Variants in ZNF621 observed in about 807,000 individuals in gnomAD.
The protein encoded by ZNF621 is zinc finger protein 621.
Under a neutral mutation model 12.7 loss-of-function variants are expected in ZNF621, and 6 were observed. The ratio of observed to expected loss-of-function variants is 0.47; its 90% CI spans 0.26 to 0.93. ZNF621 has a LOEUF of 0.93. ZNF621 is among the 40% of genes least tolerant of loss of function. ZNF621 has a pLI of 0.15. For missense variants in ZNF621, 474 were observed against 524.0 expected (o/e 0.90, Z 0.93); for synonymous variants, 156 against 190.3 (o/e 0.82, Z 1.48).
At position 40,539,222 on chromosome 3, in the gene ZNF621, G is replaced by C. The variant is rs957923204; in HGVS notation, c.*6132G>C. The C allele has an allele frequency of 6.6e-6, 1 of 152,476 alleles. No homozygotes were observed. Among genetic ancestry groups the C allele is most frequent in the African/African-American group, 2.4e-5 (1 of 41,450 alleles). 9.4% of individuals were successfully genotyped at this position (152,476 alleles called of 1,614,324 possible). A position where few individuals can be genotyped will look rare whatever the true frequency, so the allele number is the denominator to read the frequency against. On this transcript the variant is annotated 3_prime_UTR_variant, in exon 5 of 5. Transcript: ENST00000339296. Reference sequence around the variant, plus strand: ...AAAAGGCTATCCAACAGCAACACATGCTACAGATAAATCTTTCGGAAAGGA... The same window carrying C: ...AAAAGGCTATCCAACAGCAACACATCCTACAGATAAATCTTTCGGAAAGGA...
At chr3:40,526,554 A>G (rs1271466845) in intron 2 of ZNF621, among the ~76,000 whole-genome samples, 1 of 152,204 alleles carries the variant, frequency 6.6e-6, no homozygotes, top group African/African-American at 2.4e-5. Context: ...TTGCTTTAAT[A>G]TACATTTTCT....
chr3:40,530,136 G>T (rs1698687350), intron 3 of ZNF621, 73 bp from the exon 4 acceptor site: 2 of 1,277,482 alleles, frequency 1.6e-6, no homozygotes, highest in South Asian at 1.3e-5. Context: ...CTGATGGAGG[G>T]TGGGCTGAGA....
intron 4 of ZNF621, 58 bp downstream of exon 4, chr3:40,530,374 A>G: frequency 1.4e-6 from 2 of 1,400,686 alleles, no homozygotes; most frequent in Non-Finnish European, 2.0e-6. Flanking sequence ...TTTACTAGGT[A>G]AGAAGTGTTT....
intron 1 of ZNF621, 112 bp downstream of exon 1, chr3:40,525,386 C>CA (rs1698552353): frequency 4.6e-6 from 1 of 215,388 alleles, no homozygotes; most frequent in Non-Finnish European, 9.2e-6. Flanking sequence ...GAGTATTTTA[C>CA]CCTTAATCCG....
In ZNF621 at chr3:40,533,062, T is replaced by A; in HGVS notation, c.1292T>A (p.Ile431Asn). Residue 431 changes from isoleucine (I) to asparagine (N), a missense_variant, in exon 5 of 5, where the codon ATT becomes AAT. Transcript: ENST00000339296. ...LTPTVKPSPV[I>N]LTPSSHSS ...CCCACTGTGAAACCTTCCCCAGTTA[T>A]TCTCACCCCTTCTTCTCACTCCTCA... 1 of 1,551,696 alleles carries A rather than the reference T, an allele frequency of 6.4e-7. No homozygotes were observed. Among genetic ancestry groups the A allele is most frequent in the Non-Finnish European group, 8.7e-7 (1 of 1,146,946 alleles).
chr3:40,526,924 C>T (rs535491499), intron 2 of ZNF621, among the ~76,000 whole-genome samples: 6 of 152,104 alleles, frequency 3.9e-5, no homozygotes, highest in Non-Finnish European at 7.4e-5. Context: ...GGCGCTATCT[C>T]GGCTCACCGC....
rs1698913423 is a variant in ZNF621, at chr3:40,538,108, T to G, written c.*5018T>G. On this transcript the variant is annotated 3_prime_UTR_variant, in exon 5 of 5. Coordinates refer to ENST00000339296, the MANE Select transcript of ZNF621 (RefSeq NM_198484.5). ...CCCATAAGAATTATGCTAAATCCAC[T>G]CTGCCTGTGCTCTAGAAATGGAAGA... 6.6e-6 allele frequency among the ~76,000 whole-genome samples: 1 copy of G among 152,230 alleles called. No homozygotes were observed. Among genetic ancestry groups the G allele is most frequent in the Non-Finnish European group, 1.5e-5 (1 of 68,036 alleles).
chr3:40,531,963 T>G, intron 4 of ZNF621, 67 bp from the exon 5 acceptor site: 1 of 1,430,502 alleles, frequency 7.0e-7, no homozygotes, highest in African/African-American at 1.4e-5. Context: ...AAGAGAAAAT[T>G]AGGAACACTG....
rs28393380 is a variant in ZNF621 at position 40,536,253 on chromosome 3, T to A, written c.*3163T>A. The stretch of plus-strand genomic sequence containing the variant: ...GTGCCACCACGCCCAGCTAATTTTT[T>A]AATTTTTAGTAGAGACAGGGTTTCA... On this transcript the variant is annotated 3_prime_UTR_variant, in exon 5 of 5. Transcript: ENST00000339296. 4 of 152,248 alleles carry A rather than the reference T, an allele frequency of 2.6e-5. No homozygotes were observed. Among genetic ancestry groups the A allele is most frequent in the African/African-American group, 4.8e-5 (2 of 41,538 alleles). The allele number at this position is 152,248 out of a possible 1,614,324, so 9.4% of individuals were successfully genotyped here.
chr3:40,530,727 A>C (rs1212765131), intron 4 of ZNF621, among the ~76,000 whole-genome samples: 1 of 152,242 alleles, frequency 6.6e-6, no homozygotes, highest in African/African-American at 2.4e-5. Flanking sequence ...TTAGGCCTTC[A>C]GCCCTGAAAA....
At chr3:40,529,555 A>G in intron 3 of ZNF621, 110 bp downstream of exon 3, 2 of 1,589,082 alleles carry the variant, frequency 1.3e-6, no homozygotes, top group Non-Finnish European at 1.7e-6. Flanking sequence ...TTTTGCAATC[A>G]GCAGCCTCCA....
Position 40,532,638 on chromosome 3 carries a change from C to T in ZNF621, c.868C>T (p.Pro290Ser). 6.2e-7 allele frequency: 1 copy of T among 1,614,108 alleles called. No individual in the cohort carries two copies. The highest frequency in any genetic ancestry group is 8.5e-7 in the Non-Finnish European group (1 of 1,180,028). Residue 290 changes from proline to serine, a missense_variant, in exon 5 of 5, where the codon CCT becomes TCT. Coordinates refer to ENST00000339296, the MANE Select transcript of ZNF621 (RefSeq NM_198484.5). ...VHQRIHTGEK[P>S]YQCKECGKAF... ...TCAGAGAATTCATACTGGGGAGAAA[C>T]CTTATCAATGTAAGGAGTGTGGCAA... is the stretch of plus-strand genomic sequence containing the variant.
chr3:40,527,081 G>A (rs1362037052), intron 2 of ZNF621, among the ~76,000 whole-genome samples: 1 of 151,964 alleles, frequency 6.6e-6, no homozygotes, highest in Non-Finnish European at 1.5e-5. Context: ...GCAATGGTGC[G>A]ATCTTCGCTC....
chr3:40,532,528 A>G lies in ZNF621; in HGVS notation c.758A>G (p.His253Arg), dbSNP rs758856841. 2 of 1,614,260 alleles carry G rather than the reference A, an allele frequency of 1.2e-6. No homozygotes were observed. Among genetic ancestry groups the G allele is most frequent in the Non-Finnish European group, 1.7e-6 (2 of 1,180,042 alleles). ...CGTAGGAGTGCGGCATACCTGCAGC[A>G]TCAGAGATTACACACGGGAGAGAAA... ...AFRRSAAYLQ[H>R]QRLHTGEKLY... The change falls in exon 5 of 5, where the codon CAT (histidine) becomes CGT (arginine). Residue 253 changes from histidine to arginine, a missense_variant. His to Arg is a conservative substitution (Grantham distance 29). Transcript: ENST00000339296.
upstream of ZNF621, chr3:40,524,808 G>A (rs892000150): frequency 4.6e-5 from 7 of 152,462 alleles, no homozygotes; most frequent in Non-Finnish European, 7.3e-5. Context: ...ACAGTTCCAC[G>A]CCCGCCGCCG....
rs1698853345 is a variant in ZNF621, at chr3:40,535,842, T to C, written c.*2752T>C. On this transcript the variant is annotated 3_prime_UTR_variant, in exon 5 of 5. Transcript: ENST00000339296. Reference sequence around the variant, plus strand: ...ATGACAGAAGGATGCACTATATTCATGGGTAGGAAAGATTAGTTTCATCAA... The same window carrying C: ...ATGACAGAAGGATGCACTATATTCACGGGTAGGAAAGATTAGTTTCATCAA... The C allele has an allele frequency of 6.6e-6, 1 of 152,164 alleles. No homozygotes were observed. Among genetic ancestry groups the C allele is most frequent in the African/African-American group, 2.4e-5 (1 of 41,434 alleles). 9.4% of individuals were successfully genotyped at this position (152,164 alleles called of 1,614,324 possible).
upstream of ZNF621, among the ~76,000 whole-genome samples, chr3:40,523,498 C>T (rs1408874002): frequency 6.6e-6 from 1 of 152,208 alleles, no homozygotes; most frequent in Non-Finnish European, 1.5e-5. Flanking sequence ...GGCGCGGTGG[C>T]TCACGCCTGT....
At chr3:40,530,157 G>A (rs1224947761) in intron 3 of ZNF621, 52 bp from the exon 4 acceptor site, 3 of 1,498,328 alleles carry the variant, frequency 2.0e-6, no homozygotes, top group Non-Finnish European at 2.8e-6. Flanking sequence ...AAGATCCCAG[G>A]AATAGCTCTG....
At chr3:40,527,315 C>T (rs749846737) in intron 2 of ZNF621, among the ~76,000 whole-genome samples, 1 of 151,528 alleles carries the variant, frequency 6.6e-6, no homozygotes, top group African/African-American at 2.4e-5. Context: ...CTGTGCCTGG[C>T]AAGTGTTGTC....
Sources: allele counts gnomAD v4.1 joint callset (sites outside exome capture counted in the v4.1 genomes callset), GRCh38; gene constraint gnomAD v4.1.1; transcripts MANE v1.5; gene names NCBI Gene and HGNC (gene_info 2026-07-23, HGNC 2026-07-21).